The following CDK2AP2 variants were observed in gnomAD, a reference collection of about 807,000 sequenced individuals.
CDK2AP2 encodes the protein cyclin dependent kinase 2 associated protein 2, also known as cyclin-dependent kinase 2-associated protein 2.
In CDK2AP2, 1 loss-of-function variant was observed where a neutral mutation model predicts 13.0. The observed-to-expected ratio is 0.08, with a 90% CI of 0.03 to 0.37. The LOEUF is 0.37. Among genes scored for constraint, CDK2AP2 ranks in the 10% least tolerant of loss-of-function variants. The probability of loss-of-function intolerance (pLI) is 0.99; values close to 1 mark genes in which losing one functional copy is unlikely to be tolerated. For missense variants in CDK2AP2, 129 were observed against 175.8 expected, an observed-to-expected ratio of 0.73 and a Z score of 1.50; for synonymous variants, 76 against 73.0, an observed-to-expected ratio of 1.04 and a Z score of -0.21.
At chr11:67,507,312 T>C (rs771326654) in intron 3 of CDK2AP2, 53 bp downstream of exon 3, 3 of 1,603,644 alleles carry the variant, frequency 1.9e-6, no homozygotes, top group African/African-American at 1.3e-5. Flanking sequence ...CCTTCCCTCA[T>C]GAAGGATAGT....
At position 67,508,011 on chromosome 11, in the gene CDK2AP2, C is replaced by G. The variant is rs1260361385; in HGVS notation, c.72G>C (p.Pro24=). The G allele has an allele frequency of 6.5e-6, 10 of 1,543,572 alleles. No individual in the cohort carries two copies. Among genetic ancestry groups the G allele is most frequent in the African/African-American group, 4.1e-5 (3 of 72,554 alleles). Residue 24 remains proline, a synonymous_variant, in exon 1 of 4, where the codon CCG becomes CCC. Coordinates refer to ENST00000301488, the MANE Select transcript of CDK2AP2 (RefSeq NM_005851.5). ...GAGCTGGATCCTCACCTGTAGGGAC[C>G]GGGGTGCCCGGCCCAGGGGTGCTGG... ...PGSSTPGPGT[P]VPTGSVPSPS...
intron 1 of CDK2AP2, 35 bp downstream of exon 1, chr11:67,507,966 C>T (rs1443505781): frequency 6.5e-7 from 1 of 1,549,700 alleles, no homozygotes; most frequent in Admixed American, 2.0e-5. Flanking sequence ...CCTCGACCGC[C>T]CGGCAGGCGA....
rs1866576044 is a variant in CDK2AP2 at position 67,508,050 on chromosome 11, G to A, written c.33C>T (p.Ser11=). 1.3e-6 allele frequency: 2 copies of A among 1,523,584 alleles called. No individual in the cohort carries two copies. Among genetic ancestry groups the A allele is most frequent in the East Asian group, 4.9e-5 (2 of 40,744 alleles). 94.4% of individuals were successfully genotyped at this position (1,523,584 alleles called of 1,614,324 possible). Residue 11 remains serine (S), a synonymous_variant, in exon 1 of 4, where the codon AGC becomes AGT. Coordinates refer to ENST00000301488, the MANE Select transcript of CDK2AP2 (RefSeq NM_005851.5). MSYKPIAPAP[S]STPGSSTPGP... is the part of the protein sequence containing the mutation. ...CAGGGGTGCTGGAGCCAGGGGTGCT[G>A]CTGGGAGCAGGGGCGATGGGTTTGT...
Position 67,506,500 on chromosome 11 carries a change from G to C in CDK2AP2, c.*445C>G. On this transcript the variant is annotated 3_prime_UTR_variant, in exon 4 of 4. Transcript: ENST00000301488. ...CAGACCCAGAAAGGCTCAGAGCTGA[G>C]AGCACAACTCCAAATCATCTTTTAT... 1 of 242,406 alleles carries C rather than the reference G, an allele frequency of 4.1e-6. No homozygotes were observed. Among genetic ancestry groups the C allele is most frequent in the East Asian group, 6.2e-5 (1 of 16,090 alleles). 15.0% of individuals were successfully genotyped at this position (242,406 alleles called of 1,614,324 possible).
At position 67,506,767 on chromosome 11, in the gene CDK2AP2, G is replaced by C; in HGVS notation, c.*178C>G. On this transcript the variant is annotated 3_prime_UTR_variant, in exon 4 of 4. Transcript: ENST00000301488. ...CCTCGCTGCTAACTCTTGTTGTGGGGGGGTGTCCTTAGTGCTGCCACCTGG... is the reference window on the plus strand; with the variant it reads ...CCTCGCTGCTAACTCTTGTTGTGGGCGGGTGTCCTTAGTGCTGCCACCTGG... 1.7e-6 allele frequency: 1 copy of C among 596,564 alleles called. No homozygotes were observed. The highest frequency in any genetic ancestry group is 3.0e-6 in the Non-Finnish European group (1 of 335,970). The allele number at this position is 596,564 out of a possible 1,614,324, so 37.0% of individuals were successfully genotyped here.
Position 67,506,616 on chromosome 11 carries a change from C to A in CDK2AP2, c.*329G>T. ...AAGGCAGGGAGGTGCCAGGCCTGTG[C>A]CCCTGCTGGGGGAGAAGGAGGCTCG... On this transcript the variant is annotated 3_prime_UTR_variant, in exon 4 of 4. Transcript: ENST00000301488. The A allele has an allele frequency of 2.3e-6, 1 of 427,976 alleles. No individual in the cohort carries two copies. Among genetic ancestry groups the A allele is most frequent in the South Asian group, 2.8e-5 (1 of 35,170 alleles). The allele number at this position is 427,976 out of a possible 1,614,324, so 26.5% of individuals were successfully genotyped here.
rs918893603 is a variant in CDK2AP2, at chr11:67,506,821, C to T, written c.*124G>A. ...GCCACTCCTTGGTTCCTGGAGGGGA[C>T]CCACCAAGGGACACAGGACAGGAAG... is the stretch of plus-strand genomic sequence containing the variant. On this transcript the variant is annotated 3_prime_UTR_variant, in exon 4 of 4. Coordinates refer to ENST00000301488, the MANE Select transcript of CDK2AP2 (RefSeq NM_005851.5). 7.7e-6 allele frequency: 6 copies of T among 775,394 alleles called. No homozygotes were observed. Among genetic ancestry groups the T allele is most frequent in the African/African-American group, 6.9e-5 (4 of 57,626 alleles). 48.0% of individuals were successfully genotyped at this position (775,394 alleles called of 1,614,324 possible).
chr11:67,507,940 C>T (rs1427804927), intron 1 of CDK2AP2, 61 bp downstream of exon 1: 4 of 1,549,166 alleles, frequency 2.6e-6, no homozygotes, highest in Non-Finnish European at 3.5e-6. Flanking sequence ...GAACTCAGGC[C>T]GTCTTCTCTT....
intron 3 of CDK2AP2, 79 bp from the exon 4 acceptor site, chr11:67,507,091 T>C: frequency 9.4e-7 from 1 of 1,067,408 alleles, no homozygotes; most frequent in Non-Finnish European, 1.3e-6. Flanking sequence ...GCCTCCCCAC[T>C]CCCTTTCCAC....
chr11:67,507,277 G>C, intron 3 of CDK2AP2, 88 bp downstream of exon 3: 3 of 1,479,546 alleles, frequency 2.0e-6, no homozygotes, highest in Non-Finnish European at 2.8e-6. Flanking sequence ...TCTAGGCTTG[G>C]CTCAGGTGGC....
rs1866539856 is a variant in CDK2AP2 at position 67,506,921 on chromosome 11, A to G, written c.*24T>C. 1 of 1,547,522 alleles carries G rather than the reference A, an allele frequency of 6.5e-7. No homozygotes were observed. Reference sequence around the variant, plus strand: ...CTCTGCAGTGGCCGGATAGGTCCAGACGCTGAGGCCGAGGCGCTTCCTGTT... The same window carrying G: ...CTCTGCAGTGGCCGGATAGGTCCAGGCGCTGAGGCCGAGGCGCTTCCTGTT... On this transcript the variant is annotated 3_prime_UTR_variant, in exon 4 of 4. Transcript: ENST00000301488.
intron 3 of CDK2AP2, 27 bp downstream of exon 3, chr11:67,507,338 T>C: frequency 6.2e-6 from 10 of 1,611,868 alleles, no homozygotes; most frequent in Non-Finnish European, 8.5e-6. Flanking sequence ...GTCGGTTTCC[T>C]GAGCAGGGCG....
chr11:67,507,810 C>G (rs540801089), intron 1 of CDK2AP2, 121 bp from the exon 2 acceptor site: 1 of 1,538,214 alleles, frequency 6.5e-7, no homozygotes, highest in East Asian at 2.4e-5. Flanking sequence ...CCATGCTGAT[C>G]AACTTCAGGG....
rs1866557228 is a variant in CDK2AP2 at position 67,507,396 on chromosome 11, G to A, written c.282C>T (p.Gly94=). ...TCAGGCGCTCCATGGCGCTCTTGCTGCCAGCATAGGTAGGCCGGATCTCTT... is the reference window on the plus strand; with the variant it reads ...TCAGGCGCTCCATGGCGCTCTTGCTACCAGCATAGGTAGGCCGGATCTCTT... ...MGKEIRPTYA[G]SKSAMERLKR... Residue 94 remains glycine (G), a synonymous_variant, in exon 3 of 4, where the codon GGC becomes GGT. Coordinates refer to ENST00000301488, the MANE Select transcript of CDK2AP2 (RefSeq NM_005851.5). 6.2e-7 allele frequency: 1 copy of A among 1,613,168 alleles called. No individual in the cohort carries two copies. Among genetic ancestry groups the A allele is most frequent in the East Asian group, 2.2e-5 (1 of 44,880 alleles).
rs916053518 is a variant in CDK2AP2, at chr11:67,506,508, C to G, written c.*437G>C. On this transcript the variant is annotated 3_prime_UTR_variant, in exon 4 of 4. Transcript: ENST00000301488. The stretch of plus-strand genomic sequence containing the variant: ...GAAAGGCTCAGAGCTGAGAGCACAA[C>G]TCCAAATCATCTTTTATTAATATAA... 2.4e-5 allele frequency: 6 copies of G among 245,994 alleles called. No individual in the cohort carries two copies. Among genetic ancestry groups the G allele is most frequent in the Non-Finnish European group, 4.0e-5 (5 of 123,922 alleles). The allele number at this position is 245,994 out of a possible 1,614,324, so 15.2% of individuals were successfully genotyped here. A position where few individuals can be genotyped will look rare whatever the true frequency, so the allele number is the denominator to read the frequency against.
intron 1 of CDK2AP2, 108 bp from the exon 2 acceptor site, chr11:67,507,797 A>G: frequency 6.5e-7 from 1 of 1,544,094 alleles, no homozygotes; most frequent in Non-Finnish European, 8.7e-7. Flanking sequence ...AGGATGCTTC[A>G]TTCCATGCTG....
chr11:67,507,986 G>C lies in CDK2AP2; in HGVS notation c.82+15C>G, dbSNP rs766624617. 18 of 1,549,450 alleles carry C rather than the reference G, an allele frequency of 1.2e-5. 1 individual carries two copies. In the South Asian group the frequency reaches 1.8e-4, roughly 15 times the overall value. On this transcript the variant is annotated intron_variant, in intron 1 of 3. Coordinates refer to ENST00000301488, the MANE Select transcript of CDK2AP2 (RefSeq NM_005851.5). ...ACCGCCCGGCAGGCGAGCAGGGGTG[G>C]AGCTGGATCCTCACCTGTAGGGACC... is the stretch of plus-strand genomic sequence containing the variant.
chr11:67,507,228 C>T, intron 3 of CDK2AP2, 137 bp downstream of exon 3: 1 of 1,053,878 alleles, frequency 9.5e-7, no homozygotes, highest in Non-Finnish European at 1.4e-6. Context: ...AATTTCAATT[C>T]GATTCAAAAC....
chr11:67,506,791 GGA>G lies in CDK2AP2; in HGVS notation c.*152_*153del, dbSNP rs1318873085. On this transcript the variant is annotated 3_prime_UTR_variant, in exon 4 of 4. Coordinates refer to ENST00000301488, the MANE Select transcript of CDK2AP2 (RefSeq NM_005851.5). ...GGGGGTGTCCTTAGTGCTGCCACCT[GGA>G]GGGCCACTCCTTGGTTCCTGGAGGG... is the stretch of plus-strand genomic sequence containing the variant. 2 of 636,002 alleles carry G rather than the reference GGA, an allele frequency of 3.1e-6. No homozygotes were observed. Among genetic ancestry groups the G allele is most frequent in the Non-Finnish European group, 5.6e-6 (2 of 360,236 alleles). 39.4% of individuals were successfully genotyped at this position (636,002 alleles called of 1,614,324 possible). A position where few individuals can be genotyped will look rare whatever the true frequency, so the allele number is the denominator to read the frequency against.
Sources: gnomAD v4.1 joint callset for allele counts on GRCh38, gnomAD v4.1.1 for gene constraint, MANE v1.5 for transcripts, NCBI Gene and HGNC (gene_info 2026-07-23, HGNC 2026-07-21) for gene names.